Variants in CRPPA observed in about 807,000 individuals in gnomAD.
The protein encoded by CRPPA is D-ribitol-5-phosphate cytidylyltransferase.
In CRPPA, 43 loss-of-function variants were observed where a neutral mutation model predicts 52.0. That is an observed-to-expected ratio of 0.83 (90% CI 0.65 to 1.07). The LOEUF is 1.07. CRPPA is among the 50% of genes least tolerant of loss of function. The probability of loss-of-function intolerance (pLI) is 0.00; values close to 1 mark genes in which losing one functional copy is unlikely to be tolerated. For missense variants in CRPPA, 629 were observed against 551.7 expected (o/e 1.14, Z -1.40); for synonymous variants, 250 against 203.5 (o/e 1.23, Z -1.94).
intron 8 of CRPPA, among the ~76,000 whole-genome samples, chr7:16,239,330 A>G (rs1171951368): frequency 2.0e-5 from 3 of 151,936 alleles, no homozygotes; most frequent in Non-Finnish European, 2.9e-5. Flanking sequence ...TGCTCATTTT[A>G]CAAGTTACAT....
At chr7:16,191,037 G>T (rs10228516) in intron 9 of CRPPA, among the ~76,000 whole-genome samples, 4,348 of 152,166 alleles carry the variant, frequency 0.029, 208 homozygotes, top group African/African-American at 0.099. Context: ...TGATTGATGG[G>T]CATTTGTGCT....
chr7:16,273,484 C>A (rs1417181137), intron 6 of CRPPA, among the ~76,000 whole-genome samples: 1 of 151,966 alleles, frequency 6.6e-6, no homozygotes, highest in Non-Finnish European at 1.5e-5. Flanking sequence ...GACGGTAGGA[C>A]CACAGAGAAG....
intron 3 of CRPPA, among the ~76,000 whole-genome samples, chr7:16,309,011 T>A (rs1859419): frequency 0.099 from 15,026 of 152,174 alleles, 1,537 homozygotes; most frequent in African/African-American, 0.26. Flanking sequence ...TAAATATATA[T>A]CTACAAAATC....
chr7:16,128,314 AT>A (rs1233934548), intron 9 of CRPPA, among the ~76,000 whole-genome samples: 3 of 152,208 alleles, frequency 2.0e-5, no homozygotes, highest in Non-Finnish European at 2.9e-5. Flanking sequence ...GAGAAAAAAA[AT>A]AAAGATGTAA....
At chr7:16,209,273 C>CTTTTTTTTTTTTTTTTTCTTT (rs34795937) in intron 9 of CRPPA, 1 of 122,066 alleles carries the variant, frequency 8.2e-6, no homozygotes, top group Non-Finnish European at 1.8e-5. Context: ...TTCTAAGTGT[C>CTTTTTTTTTTTTTTTTTCTTT]TTTTTTTTTT....
intron 2 of CRPPA, among the ~76,000 whole-genome samples, chr7:16,397,533 CAACAT>C (rs146467346): frequency 0.031 from 4,645 of 149,754 alleles, 125 homozygotes; most frequent in African/African-American, 0.074. Context: ...ATGATCAACA[CAACAT>C]GTGATTGACG....
chr7:16,395,580 G>C (rs1391301216), intron 2 of CRPPA, among the ~76,000 whole-genome samples: 1 of 152,150 alleles, frequency 6.6e-6, no homozygotes, highest in Non-Finnish European at 1.5e-5. Context: ...ATTGAACTAA[G>C]CTAATTTGTC....
At chr7:16,393,284 G>C (rs949443103) in intron 2 of CRPPA, among the ~76,000 whole-genome samples, 13 of 152,120 alleles carry the variant, frequency 8.5e-5, no homozygotes, top group Non-Finnish European at 1.3e-4. Flanking sequence ...TTAAACAACA[G>C]AAGTGGTTTA....
intron 9 of CRPPA, among the ~76,000 whole-genome samples, chr7:16,093,613 AT>A (rs1781881097): frequency 6.6e-6 from 1 of 152,126 alleles, no homozygotes; most frequent in Non-Finnish European, 1.5e-5. Flanking sequence ...TTAAAATTGG[AT>A]TCAAACACCA....
chr7:16,169,742 A>G (rs973843819), intron 9 of CRPPA, among the ~76,000 whole-genome samples: 1 of 152,212 alleles, frequency 6.6e-6, no homozygotes, highest in African/African-American at 2.4e-5. Context: ...CGACTATATC[A>G]GGAAAGAAAG....
At chr7:16,355,317 T>C (rs973081894) in intron 3 of CRPPA, among the ~76,000 whole-genome samples, 3 of 152,062 alleles carry the variant, frequency 2.0e-5, no homozygotes, top group African/African-American at 7.3e-5. Context: ...AGAATATCTC[T>C]TTAAAAGCAA....
chr7:16,256,888 G>A (rs1783656244), intron 8 of CRPPA, among the ~76,000 whole-genome samples: 1 of 152,038 alleles, frequency 6.6e-6, no homozygotes, highest in Admixed American at 6.6e-5. Flanking sequence ...TTGTGCACAT[G>A]TACCCCAGAA....
intron 5 of CRPPA, among the ~76,000 whole-genome samples, chr7:16,278,604 C>G (rs1320913202): frequency 6.6e-6 from 1 of 152,208 alleles, no homozygotes; most frequent in Non-Finnish European, 1.5e-5. Flanking sequence ...AACAGATTCA[C>G]TCTTTAGGCC....
At chr7:16,165,619 TGGAACCCACATGCA>T in intron 9 of CRPPA, among the ~76,000 whole-genome samples, 1 of 152,376 alleles carries the variant, frequency 6.6e-6, no homozygotes, top group Non-Finnish European at 1.5e-5. Flanking sequence ...CATTGTCAGA[TGGAACCCACATGCA>T]AATGCAAATT....
intron 9 of CRPPA, among the ~76,000 whole-genome samples, chr7:16,138,192 T>A (rs1190885865): frequency 3.3e-5 from 5 of 152,300 alleles, no homozygotes; most frequent in Non-Finnish European, 5.9e-5. Context: ...GAAAACAAGA[T>A]AATCATTTCT....
At chr7:16,160,728 G>C (rs1262277072) in intron 9 of CRPPA, among the ~76,000 whole-genome samples, 1 of 152,210 alleles carries the variant, frequency 6.6e-6, no homozygotes, top group African/African-American at 2.4e-5. Context: ...GATGGGAATA[G>C]CATTGAGTCT....
At chr7:16,253,739 G>A (rs1430547651) in intron 8 of CRPPA, among the ~76,000 whole-genome samples, 2 of 152,036 alleles carry the variant, frequency 1.3e-5, no homozygotes, top group Non-Finnish European at 2.9e-5. Context: ...TGACAAACGG[G>A]ATCTAATTAA....
intron 5 of CRPPA, among the ~76,000 whole-genome samples, chr7:16,289,669 G>C (rs1784520508): frequency 1.3e-5 from 2 of 152,198 alleles, no homozygotes; most frequent in Non-Finnish European, 2.9e-5. Context: ...AAGGTATAGA[G>C]AGACATACCT....
intron 9 of CRPPA, among the ~76,000 whole-genome samples, chr7:16,107,119 G>A (rs1583360057): frequency 1.3e-5 from 2 of 151,918 alleles, no homozygotes; most frequent in Admixed American, 6.6e-5. Context: ...AGGAATTAAG[G>A]GACAGCAGCA....
Sources: allele counts gnomAD v4.1 joint callset (sites outside exome capture counted in the v4.1 genomes callset), GRCh38; gene constraint gnomAD v4.1.1; transcripts MANE v1.5; gene names NCBI Gene and HGNC (gene_info 2026-07-23, HGNC 2026-07-21).